Variants in ZNF280D observed in about 807,000 individuals in gnomAD.
The protein encoded by ZNF280D is zinc finger protein 280D.
A neutral mutation model predicts 94.7 loss-of-function variants in ZNF280D; 39 were observed. The observed-to-expected ratio is 0.41, with a 90% CI of 0.32 to 0.54. The LOEUF (loss-of-function observed/expected upper bound fraction) is 0.54. Ranked by LOEUF, ZNF280D falls within the 20% of genes least tolerant of loss-of-function variation. The pLI, the probability that ZNF280D is intolerant of heterozygous loss-of-function variation, is 0.22. For synonymous variants in ZNF280D, 398 were observed against 377.6 expected, an observed-to-expected ratio of 1.05 and a Z score of -0.63; for missense variants, 1,090 against 1,149.3, an observed-to-expected ratio of 0.95 and a Z score of 0.75.
intron 4 of ZNF280D, 40 bp downstream of exon 4, chr15:56,704,081 T>C (rs755132155): frequency 2.5e-6 from 4 of 1,607,292 alleles, no homozygotes; most frequent in Admixed American, 1.7e-5. Flanking sequence ...CTAGAAATAA[T>C]ACCTTATAAA....
intron 7 of ZNF280D, among the ~76,000 whole-genome samples, chr15:56,692,220 G>C (rs567035554): frequency 6.6e-6 from 1 of 151,972 alleles, no homozygotes; most frequent in African/African-American, 2.4e-5. Context: ...ATACGTAAGT[G>C]ACACCCAGAG....
intron 7 of ZNF280D, among the ~76,000 whole-genome samples, chr15:56,690,055 A>G (rs996578264): frequency 6.6e-6 from 1 of 152,198 alleles, no homozygotes; most frequent in Non-Finnish European, 1.5e-5. Flanking sequence ...GGAAATAACT[A>G]ATCTTGAATG....
intron 16 of ZNF280D, among the ~76,000 whole-genome samples, chr15:56,665,673 C>T (rs76770212): frequency 0.019 from 2,354 of 120,946 alleles, 66 homozygotes; most frequent in African/African-American, 0.066. Context: ...GACGCCACTA[C>T]AGCCTGGGCG....
At position 56,672,499 on chromosome 15, in the gene ZNF280D, G is replaced by A. The variant is rs187812080; in HGVS notation, c.1411-3542C>T. Among the ~76,000 whole-genome samples the A allele has an allele frequency of 3.6e-4, 55 of 152,008 alleles. 4 individuals are homozygous for A. In the East Asian group the frequency reaches 6.6e-3, roughly 18 times the overall value. On this transcript the variant is annotated intron_variant, in intron 13 of 21. Transcript: ENST00000267807. ...TCACATTTATTGATTTGCATATGTC[G>A]AACCAACCTTCCAACCTAGGGATAA...
chr15:56,681,365 T>G (rs1449410669), intron 10 of ZNF280D, among the ~76,000 whole-genome samples: 2 of 152,174 alleles, frequency 1.3e-5, no homozygotes, highest in African/African-American at 2.4e-5. Flanking sequence ...CAATGCAGAT[T>G]ACCTTGAAAT....
chr15:56,642,819 A>AT (rs1304973611), intron 20 of ZNF280D, 133 bp downstream of exon 20: 20 of 512,568 alleles, frequency 3.9e-5, no homozygotes, highest in Non-Finnish European at 5.3e-5. Flanking sequence ...TTAAATCTCG[A>AT]TTTTTTTTCT....
rs1344572857 is a variant in ZNF280D at position 56,669,995 on chromosome 15, T to A, written c.1411-1038A>T. On this transcript the variant is annotated intron_variant, in intron 13 of 21. Transcript: ENST00000267807. ...ATATAATATATATATTATATATATA[T>A]ATTATATATATATAATATATATATA... is the stretch of plus-strand genomic sequence containing the variant. Among the ~76,000 whole-genome samples, 2 of 1,716 alleles carry A rather than the reference T, an allele frequency of 1.2e-3. 1 individual carries two copies. The highest frequency in any genetic ancestry group is 2.6e-3 in the Non-Finnish European group (2 of 778). The allele number at this position is 1,716 out of a possible 152,430, so 1.1% of individuals were successfully genotyped here. A position where few individuals can be genotyped will look rare whatever the true frequency, so the allele number is the denominator to read the frequency against.
intron 14 of ZNF280D, 108 bp downstream of exon 14, chr15:56,668,715 T>A: frequency 9.3e-7 from 1 of 1,075,652 alleles, no homozygotes; most frequent in Non-Finnish European, 1.3e-6. Flanking sequence ...AATTAGAGTC[T>A]GAGCAAAAAT....
At position 56,678,007 on chromosome 15, in the gene ZNF280D, C is replaced by CTT. The variant is rs1198357496; in HGVS notation, c.1163-335_1163-334dup. 3.4e-4 allele frequency among the ~76,000 whole-genome samples: 46 copies of CTT among 137,180 alleles called. 1 individual carries two copies. Among genetic ancestry groups the CTT allele is most frequent in the African/African-American group, 9.8e-4 (37 of 37,736 alleles). 90.0% of individuals were successfully genotyped at this position (137,180 alleles called of 152,430 possible). On this transcript the variant is annotated intron_variant, in intron 11 of 21. Transcript: ENST00000267807. Reference sequence around the variant, plus strand: ...TGCTCCAACATCTGTAATTTTCTTTCTTTTTTTTTTTTTTTTTGGAGACAG... The same window carrying CTT: ...TGCTCCAACATCTGTAATTTTCTTTCTTTTTTTTTTTTTTTTTTTGGAGACAG...
intron 4 of ZNF280D, among the ~76,000 whole-genome samples, chr15:56,703,441 G>C (rs2057208220): frequency 6.6e-6 from 1 of 152,176 alleles, no homozygotes; most frequent in African/African-American, 2.4e-5. Flanking sequence ...GATGTGAGAA[G>C]TCCCGTTTGA....
intron 21 of ZNF280D, among the ~76,000 whole-genome samples, chr15:56,633,315 T>C (rs59365678): frequency 0.017 from 2,614 of 152,240 alleles, 70 homozygotes; most frequent in African/African-American, 0.06. Flanking sequence ...CCTAAACCAG[T>C]AGCACCCAGT....
intron 17 of ZNF280D, 50 bp from the exon 18 acceptor site, chr15:56,654,553 C>A: frequency 6.7e-7 from 1 of 1,495,260 alleles, no homozygotes; most frequent in Non-Finnish European, 9.0e-7. Flanking sequence ...TGAAAATCCA[C>A]TTATAAGTTT....
chr15:56,654,553 C>T, intron 17 of ZNF280D, 50 bp from the exon 18 acceptor site: 3 of 1,495,262 alleles, frequency 2.0e-6, no homozygotes, highest in Non-Finnish European at 2.7e-6. Flanking sequence ...TGAAAATCCA[C>T]TTATAAGTTT....
chr15:56,702,582 G>A (rs1390714454), intron 4 of ZNF280D, among the ~76,000 whole-genome samples: 1 of 152,116 alleles, frequency 6.6e-6, no homozygotes, highest in African/African-American at 2.4e-5. Flanking sequence ...AATCTTAACT[G>A]TCATGTTTTC....
intron 1 of ZNF280D, among the ~76,000 whole-genome samples, chr15:56,723,006 CTCAT>C (rs2058448224): frequency 6.8e-6 from 1 of 147,096 alleles, no homozygotes; most frequent in African/African-American, 2.5e-5. Flanking sequence ...CATATTCTCA[CTCAT>C]AGGTGGGAAA....
chr15:56,718,522 C>T (rs919994770), intron 1 of ZNF280D, among the ~76,000 whole-genome samples: 1 of 152,238 alleles, frequency 6.6e-6, no homozygotes, highest in African/African-American at 2.4e-5. Flanking sequence ...AATATTAATA[C>T]ATAGAAAGGC....
Position 56,642,917 on chromosome 15 carries a change from TAA to T in ZNF280D, c.2259+33_2259+34del, listed in dbSNP as rs1265914756. On this transcript the variant is annotated intron_variant, in intron 20 of 21. Transcript: ENST00000267807. The stretch of plus-strand genomic sequence containing the variant: ...CATACCAATAATACTTTCAAATGTA[TAA>T]ACCTTTAAGGTATAAAGTAAAACAA... 4.9e-6 allele frequency: 7 copies of T among 1,427,870 alleles called. No individual in the cohort carries two copies. In the Admixed American group the frequency reaches 1.2e-4, roughly 25 times the overall value. 88.5% of individuals were successfully genotyped at this position (1,427,870 alleles called of 1,614,324 possible).
intron 1 of ZNF280D, among the ~76,000 whole-genome samples, chr15:56,714,565 G>A (rs1304313761): frequency 3.9e-5 from 6 of 152,094 alleles, no homozygotes; most frequent in African/African-American, 1.2e-4. Context: ...CTTCAAAGGC[G>A]ATCAGGACTA....
At chr15:56,654,622 T>C (rs184821635) in intron 17 of ZNF280D, 119 bp from the exon 18 acceptor site, 1 of 867,468 alleles carries the variant, frequency 1.2e-6, no homozygotes, top group African/African-American at 1.7e-5. Flanking sequence ...CTTCCCATTT[T>C]TGTTATATAA....
Sources: gnomAD v4.1 joint callset for allele counts (sites outside exome capture counted in the v4.1 genomes callset) on GRCh38, gnomAD v4.1.1 for gene constraint, MANE v1.5 for transcripts, NCBI Gene and HGNC (gene_info 2026-07-23, HGNC 2026-07-21) for gene names.